Variants in VPS13B observed in about 807,000 individuals in gnomAD.
VPS13B encodes the protein intermembrane lipid transfer protein VPS13B.
A neutral mutation model predicts 426.4 loss-of-function variants in VPS13B; 285 were observed. The observed-to-expected ratio is 0.67, with a 90% CI of 0.61 to 0.74. The LOEUF is 0.74. Ranked by LOEUF, VPS13B falls within the 30% of genes least tolerant of loss-of-function variation. The probability of loss-of-function intolerance (pLI) is 0.00; values close to 1 mark genes in which losing one functional copy is unlikely to be tolerated. For synonymous variants in VPS13B, 1,676 were observed against 1,676.4 expected, an observed-to-expected ratio of 1.00 and a Z score of 0.01; for missense variants, 4,537 against 4,782.6, an observed-to-expected ratio of 0.95 and a Z score of 1.51.
chr8:99,387,952 C>G (rs1202950983), intron 20 of VPS13B, among the ~76,000 whole-genome samples: 1 of 152,094 alleles, frequency 6.6e-6, no homozygotes, highest in Non-Finnish European at 1.5e-5. Context: ...TGTAAGCCTG[C>G]TGTTGTGTAA....
intron 19 of VPS13B, among the ~76,000 whole-genome samples, chr8:99,317,123 C>T (rs1809710832): frequency 6.6e-6 from 1 of 152,134 alleles, no homozygotes; most frequent in Non-Finnish European, 1.5e-5. Flanking sequence ...CTACTGTATT[C>T]CTTGCTCTGT....
At chr8:99,698,832 T>G (rs1832144936) in intron 35 of VPS13B, among the ~76,000 whole-genome samples, 2 of 152,212 alleles carry the variant, frequency 1.3e-5, no homozygotes, top group Non-Finnish European at 2.9e-5. Context: ...ACAGCTAGTT[T>G]TCATGTCAGG....
Position 99,658,337 on chromosome 8 carries a change from C to A in VPS13B, c.5909-3017C>A, listed in dbSNP as rs558708014. Among the ~76,000 whole-genome samples, 15 of 152,000 alleles carry A rather than the reference C, an allele frequency of 9.9e-5. No homozygotes were observed. The East Asian group carries it at 2.9e-3, about 29-fold the overall frequency. On this transcript the variant is annotated intron_variant, in intron 34 of 61. Coordinates refer to ENST00000357162, the MANE Select transcript of VPS13B (RefSeq NM_152564.5). The stretch of plus-strand genomic sequence containing the variant: ...ACTCAGAATATATAAGGAGCTCCTA[C>A]AAATCAGTAAGAAAAAGAACTCAAG...
intron 17 of VPS13B, 71 bp downstream of exon 17, chr8:99,193,128 A>G: frequency 6.9e-7 from 1 of 1,451,586 alleles, no homozygotes; most frequent in Non-Finnish European, 9.6e-7. Context: ...TTATTATGAA[A>G]ATCCATATGT....
In VPS13B at chr8:99,870,857, AG is replaced by A; in HGVS notation, c.11467del (p.Ala3823LeufsTer30). ...RHQPSDLHAD[Q>X]APNSHVKYVW... is the part of the protein sequence containing the mutation. ...CAGCCAAGTGATCTACATGCTGACCAGGCTCCAAACAGCCATGTCAAATATG... is the reference window on the plus strand; with the variant it reads ...CAGCCAAGTGATCTACATGCTGACCAGCTCCAAACAGCCATGTCAAATATG... On this transcript the variant is annotated frameshift_variant, in exon 60 of 62. Coordinates refer to ENST00000357162, the MANE Select transcript of VPS13B (RefSeq NM_152564.5). LOFTEE classifies it high-confidence loss of function. The A allele has an allele frequency of 6.2e-7, 1 of 1,614,224 alleles. No homozygotes were observed. The highest frequency in any genetic ancestry group is 8.5e-7 in the Non-Finnish European group (1 of 1,180,032).
chr8:99,376,593 TTCTC>T (rs986882855), intron 19 of VPS13B, among the ~76,000 whole-genome samples: 8 of 152,180 alleles, frequency 5.3e-5, no homozygotes, highest in Non-Finnish European at 1.2e-4. Flanking sequence ...GTTTTCCGTT[TTCTC>T]TCTCTAAAAT....
intron 39 of VPS13B, among the ~76,000 whole-genome samples, chr8:99,728,318 T>A (rs557887785): frequency 3.3e-5 from 5 of 152,314 alleles, no homozygotes; most frequent in African/African-American, 4.8e-5. Flanking sequence ...CCTGATGACA[T>A]CTCTGTTCAA....
intron 34 of VPS13B, among the ~76,000 whole-genome samples, chr8:99,656,964 T>G (rs1830040303): frequency 6.6e-6 from 1 of 152,186 alleles, no homozygotes; most frequent in African/African-American, 2.4e-5. Context: ...TTATTCTGTT[T>G]TATCAACCCT....
chr8:99,475,551 A>G (rs1238278297), intron 24 of VPS13B, among the ~76,000 whole-genome samples: 1 of 152,146 alleles, frequency 6.6e-6, no homozygotes, highest in Non-Finnish European at 1.5e-5. Flanking sequence ...TAGTTTTGTG[A>G]TTTTTATGGT....
chr8:99,637,361 A>C (rs2133922044), intron 33 of VPS13B, among the ~76,000 whole-genome samples: 1 of 152,222 alleles, frequency 6.6e-6, no homozygotes, highest in South Asian at 2.1e-4. Context: ...GGCTTAAAAA[A>C]AATGGAGGAA....
At chr8:99,553,345 A>G (rs1375867044) in intron 30 of VPS13B, among the ~76,000 whole-genome samples, 4 of 152,138 alleles carry the variant, frequency 2.6e-5, no homozygotes, top group Non-Finnish European at 4.4e-5. Flanking sequence ...CTAATATGCC[A>G]TATTCAGAAA....
chr8:99,555,487 T>C (rs1324474355), intron 30 of VPS13B, among the ~76,000 whole-genome samples: 1 of 152,202 alleles, frequency 6.6e-6, no homozygotes, highest in Non-Finnish European at 1.5e-5. Context: ...AGGCTATTTT[T>C]ATTCTCTTTG....
chr8:99,207,150 G>A (rs2132780420), intron 17 of VPS13B, among the ~76,000 whole-genome samples: 1 of 152,180 alleles, frequency 6.6e-6, no homozygotes, highest in South Asian at 2.1e-4. Flanking sequence ...TCCAGGTATT[G>A]AGAGCTCATT....
At chr8:99,663,998 A>G (rs1830347047) in intron 35 of VPS13B, among the ~76,000 whole-genome samples, 2 of 151,874 alleles carry the variant, frequency 1.3e-5, no homozygotes, top group South Asian at 4.2e-4. Flanking sequence ...ACTCAGTATT[A>G]GAAATGTGAT....
chr8:99,790,066 C>G (rs934207514), intron 43 of VPS13B, among the ~76,000 whole-genome samples: 1 of 152,114 alleles, frequency 6.6e-6, no homozygotes, highest in Non-Finnish European at 1.5e-5. Flanking sequence ...TTCTTAGGAA[C>G]AGCACCAAGT....
At chr8:99,061,443 A>C (rs147757106) in intron 3 of VPS13B, among the ~76,000 whole-genome samples, 49 of 151,854 alleles carry the variant, frequency 3.2e-4, no homozygotes, top group Non-Finnish European at 5.6e-4. Flanking sequence ...GGGTCTTACT[A>C]GTCTGACAAT....
chr8:99,075,394 C>G (rs917355682), intron 3 of VPS13B, among the ~76,000 whole-genome samples: 1 of 152,054 alleles, frequency 6.6e-6, no homozygotes, highest in Non-Finnish European at 1.5e-5. Flanking sequence ...GGGGAGGTAC[C>G]ACACACTTTT....
intron 43 of VPS13B, among the ~76,000 whole-genome samples, chr8:99,796,324 C>T (rs1812809694): frequency 6.6e-6 from 1 of 150,516 alleles, no homozygotes; most frequent in Non-Finnish European, 1.5e-5. Context: ...TGGGAAGTGA[C>T]GAAGTGGTGA....
At chr8:99,614,330 T>C (rs1588551728) in intron 33 of VPS13B, among the ~76,000 whole-genome samples, 1 of 151,856 alleles carries the variant, frequency 6.6e-6, no homozygotes, top group Non-Finnish European at 1.5e-5. Flanking sequence ...CAGGCTGGAG[T>C]GCAATGGCGC....
Sources: allele counts gnomAD v4.1 joint callset (sites outside exome capture counted in the v4.1 genomes callset), GRCh38; gene constraint gnomAD v4.1.1; transcripts MANE v1.5; gene names NCBI Gene and HGNC (gene_info 2026-07-23, HGNC 2026-07-21).